Variants in LRP1B observed in about 807,000 individuals in gnomAD.
LRP1B encodes the protein LDL receptor related protein 1B.
Under a neutral mutation model 556.6 loss-of-function variants are expected in LRP1B, and 217 were observed. The ratio of observed to expected loss-of-function variants is 0.39; its 90% CI spans 0.35 to 0.44. The LOEUF (loss-of-function observed/expected upper bound fraction) is 0.44. Ranked by LOEUF, LRP1B falls within the 20% of genes least tolerant of loss-of-function variation. The pLI, the probability that LRP1B is intolerant of heterozygous loss-of-function variation, is 1.00. For missense variants in LRP1B, 5,053 were observed against 5,620.8 expected (o/e 0.90, Z 3.23); for synonymous variants, 2,047 against 1,865.8 (o/e 1.10, Z -2.50).
intron 20 of LRP1B, among the ~76,000 whole-genome samples, chr2:140,948,481 G>C (rs1382460527): frequency 6.6e-6 from 1 of 152,132 alleles, no homozygotes; most frequent in African/African-American, 2.4e-5. Flanking sequence ...ACACAATAAT[G>C]AGCTAGAGGT....
intron 2 of LRP1B, among the ~76,000 whole-genome samples, chr2:141,584,172 G>C (rs1687049583): frequency 6.6e-6 from 1 of 151,868 alleles, no homozygotes; most frequent in South Asian, 2.1e-4. Flanking sequence ...TGGAGCCCGG[G>C]AGACAAAGGT....
intron 18 of LRP1B, among the ~76,000 whole-genome samples, chr2:140,966,290 T>C (rs1225490295): frequency 6.6e-6 from 1 of 152,246 alleles, no homozygotes; most frequent in African/African-American, 2.4e-5. Flanking sequence ...TTGATTTGCA[T>C]TTCTCTGATG....
chr2:142,028,744 A>G (rs1452339419), intron 1 of LRP1B, among the ~76,000 whole-genome samples: 1 of 151,952 alleles, frequency 6.6e-6, no homozygotes, highest in Admixed American at 6.6e-5. Context: ...AGTGTCAACT[A>G]TTTTCCAAAG....
At position 141,113,007 on chromosome 2, in the gene LRP1B, A is replaced by G. The variant is rs557429439; in HGVS notation, c.1014-50734T>C. ...GAAAAGGCAAATTGATAATATGCATATTACAAAATTCTTTACAAATTTGTA... is the reference window on the plus strand; with the variant it reads ...GAAAAGGCAAATTGATAATATGCATGTTACAAAATTCTTTACAAATTTGTA... On this transcript the variant is annotated intron_variant, in intron 7 of 90. Coordinates refer to ENST00000389484, the MANE Select transcript of LRP1B (RefSeq NM_018557.3). Among the ~76,000 whole-genome samples the G allele has an allele frequency of 5.7e-4, 87 of 152,352 alleles. 3 individuals carry two copies. In the South Asian group the frequency reaches 7.9e-3, roughly 14 times the overall value.
chr2:141,985,750 T>C (rs949276853), intron 1 of LRP1B, among the ~76,000 whole-genome samples: 2 of 151,998 alleles, frequency 1.3e-5, no homozygotes, highest in African/African-American at 4.8e-5. Flanking sequence ...CAATATTTTT[T>C]AGCTCTACAG....
intron 20 of LRP1B, among the ~76,000 whole-genome samples, chr2:140,940,976 T>G (rs534641436): frequency 6.6e-6 from 1 of 152,274 alleles, no homozygotes; most frequent in African/African-American, 2.4e-5. Flanking sequence ...TGGCGTGAGA[T>G]GGTATCTCAT....
At chr2:141,785,415 G>A (rs1034905757) in intron 2 of LRP1B, among the ~76,000 whole-genome samples, 14 of 151,950 alleles carry the variant, frequency 9.2e-5, no homozygotes, top group East Asian at 3.9e-4. Flanking sequence ...GCAAGAAGCC[G>A]AACTTAACAT....
intron 29 of LRP1B, among the ~76,000 whole-genome samples, chr2:140,848,197 A>T (rs1158516830): frequency 2.0e-5 from 3 of 152,182 alleles, no homozygotes; most frequent in Non-Finnish European, 4.4e-5. Context: ...TGGTCTTTCA[A>T]GGAATTTAAT....
At chr2:141,194,881 AC>A (rs1681683252) in intron 6 of LRP1B, among the ~76,000 whole-genome samples, 1 of 152,126 alleles carries the variant, frequency 6.6e-6, no homozygotes, top group African/African-American at 2.4e-5. Context: ...CCCAGAGGGA[AC>A]AAAAAGACTG....
intron 31 of LRP1B, among the ~76,000 whole-genome samples, chr2:140,814,169 G>A (rs57547643): frequency 0.45 from 67,770 of 151,608 alleles, 16,758 homozygotes; most frequent in East Asian, 0.66. Context: ...TTAATAAAAG[G>A]GGCTCACTAT....
intron 23 of LRP1B, chr2:140,899,110 C>A: frequency 4.3e-6 from 1 of 231,410 alleles, no homozygotes; most frequent in South Asian, 6.2e-5. Context: ...CAAGAAGTTG[C>A]ATGAAGTTCT....
At chr2:141,314,810 T>TTATATA (rs377271635) in intron 3 of LRP1B, among the ~76,000 whole-genome samples, 2,574 of 123,420 alleles carry the variant, frequency 0.021, 59 homozygotes, top group African/African-American at 0.054. Context: ...AAAAAAAAAT[T>TTATATA]TATATATATA....
At chr2:141,299,472 G>A (rs1392402354) in intron 3 of LRP1B, among the ~76,000 whole-genome samples, 1 of 152,102 alleles carries the variant, frequency 6.6e-6, no homozygotes, top group East Asian at 1.9e-4. Flanking sequence ...GATATTAAAT[G>A]ATTTTATTCA....
intron 7 of LRP1B, among the ~76,000 whole-genome samples, chr2:141,144,037 G>A (rs1347214384): frequency 6.6e-6 from 1 of 151,898 alleles, no homozygotes; most frequent in Non-Finnish European, 1.5e-5. Context: ...TAAAAATTGA[G>A]GGTTTTATAT....
At chr2:141,932,845 A>C (rs1700542255) in intron 1 of LRP1B, among the ~76,000 whole-genome samples, 1 of 152,048 alleles carries the variant, frequency 6.6e-6, no homozygotes, top group African/African-American at 2.4e-5. Context: ...ATAAAATAAA[A>C]GAGAAGTATC....
intron 29 of LRP1B, among the ~76,000 whole-genome samples, chr2:140,846,211 A>G (rs1209573516): frequency 6.6e-6 from 1 of 152,212 alleles, no homozygotes; most frequent in African/African-American, 2.4e-5. Flanking sequence ...ATAGCTCTCA[A>G]CTTGGAGTTT....
At chr2:140,469,624 T>A (rs749128569) in intron 60 of LRP1B, among the ~76,000 whole-genome samples, 8 of 152,234 alleles carry the variant, frequency 5.3e-5, no homozygotes, top group African/African-American at 1.9e-4. Context: ...TCATATATTA[T>A]GCAATTTACC....
chr2:140,672,551 C>G (rs993679288), intron 41 of LRP1B, among the ~76,000 whole-genome samples: 11 of 149,996 alleles, frequency 7.3e-5, no homozygotes, highest in African/African-American at 2.7e-4. Flanking sequence ...GAGTAAACTC[C>G]ATTTATTGTT....
At chr2:142,126,217 A>G (rs969990) in intron 1 of LRP1B, among the ~76,000 whole-genome samples, 23,632 of 151,854 alleles carry the variant, frequency 0.16, 1,953 homozygotes, top group Middle Eastern at 0.28. Flanking sequence ...ATGTATTAGA[A>G]TATTATATGC....
Sources: gnomAD v4.1 joint callset for allele counts (sites outside exome capture counted in the v4.1 genomes callset) on GRCh38, gnomAD v4.1.1 for gene constraint, MANE v1.5 for transcripts, NCBI Gene and HGNC (gene_info 2026-07-23, HGNC 2026-07-21) for gene names.